The following ERICH5 variants were observed in gnomAD, a reference collection of about 807,000 sequenced individuals.
ERICH5 encodes the protein glutamate-rich protein 5.
ERICH5 carries 24 observed loss-of-function variants against 28.0 expected under a neutral mutation model. That is an observed-to-expected ratio of 0.86 (90% CI 0.62 to 1.21). The LOEUF (loss-of-function observed/expected upper bound fraction) is 1.21. ERICH5 is among the 50% of genes most tolerant of loss of function. The pLI, the probability that ERICH5 is intolerant of heterozygous loss-of-function variation, is 0.00. For missense variants in ERICH5, 421 were observed against 441.2 expected (o/e 0.95, Z 0.41); for synonymous variants, 163 against 157.6 (o/e 1.03, Z -0.25).
At position 98,089,545 on chromosome 8, in the gene ERICH5, T is replaced by A. The variant is rs370646763; in HGVS notation, c.528T>A (p.Thr176=). 33 of 1,614,004 alleles carry A rather than the reference T, an allele frequency of 2.0e-5. No homozygotes were observed. Among genetic ancestry groups the A allele is most frequent in the Non-Finnish European group, 3.4e-6 (4 of 1,180,012 alleles). The change falls in exon 2 of 3, where the codon ACT becomes ACA. Residue 176 remains threonine, a synonymous_variant. Coordinates refer to ENST00000318528, the MANE Select transcript of ERICH5 (RefSeq NM_173549.3). ...EKDSLRAVEV[T]ENPQTAAEMK... is the part of the protein sequence containing the mutation. ...ACTCTCTCAGAGCAGTGGAGGTCACTGAGAATCCACAAACTGCTGCAGAGA... is the reference window on the plus strand; with the variant it reads ...ACTCTCTCAGAGCAGTGGAGGTCACAGAGAATCCACAAACTGCTGCAGAGA...
intron 1 of ERICH5, among the ~76,000 whole-genome samples, chr8:98,080,256 A>G (rs1271943076): frequency 1.3e-5 from 2 of 150,712 alleles, no homozygotes; most frequent in South Asian, 2.1e-4. Flanking sequence ...AACAATACCC[A>G]CATGTTATGG....
chr8:98,066,373 A>C (rs1399330117), intron 1 of ERICH5, among the ~76,000 whole-genome samples: 1 of 152,194 alleles, frequency 6.6e-6, no homozygotes, highest in African/African-American at 2.4e-5. Flanking sequence ...TCCTGGTTTA[A>C]CAAGCAGAGT....
At chr8:98,090,229 G>A (rs768419) in intron 2 of ERICH5, among the ~76,000 whole-genome samples, 200 bp downstream of exon 2, 6,439 of 152,208 alleles carry the variant, frequency 0.042, 205 homozygotes, top group Middle Eastern at 0.082. Context: ...AAACTTTTCC[G>A]AAACATCATC....
chr8:98,090,554 G>A (rs1815365872), intron 2 of ERICH5, among the ~76,000 whole-genome samples: 1 of 150,552 alleles, frequency 6.6e-6, no homozygotes, highest in Admixed American at 6.6e-5. Context: ...CTTGAGCCCA[G>A]CAGTTCATGA....
Position 98,089,840 on chromosome 8 carries a change from C to T in ERICH5, c.823C>T (p.Gln275Ter). Residue 275 changes from glutamine to a stop codon, truncating the protein, a stop_gained, in exon 2 of 3, where the codon CAG becomes TAG. Transcript: ENST00000318528. LOFTEE classifies it high-confidence loss of function. ...NVTPEVLDRS[Q>*]LVEKPVMNDP... ...AACACCAGAAGTATTGGACAGAAGT[C>T]AGCTTGTGGAAAAGCCTGTTATGAA... The T allele has an allele frequency of 6.2e-7, 1 of 1,614,160 alleles. No individual in the cohort carries two copies. The highest frequency in any genetic ancestry group is 1.1e-5 in the South Asian group (1 of 91,056).
At chr8:98,081,792 G>A (rs944579910) in intron 1 of ERICH5, among the ~76,000 whole-genome samples, 2 of 152,144 alleles carry the variant, frequency 1.3e-5, no homozygotes, top group African/African-American at 4.8e-5. Flanking sequence ...GCCAGGCATG[G>A]TGGTGCATGC....
At chr8:98,091,920 CCT>C (rs1815409176) in intron 2 of ERICH5, among the ~76,000 whole-genome samples, 1 of 26,768 alleles carries the variant, frequency 3.7e-5, no homozygotes, top group African/African-American at 1.2e-4. Flanking sequence ...TTTCTTTCTT[CCT>C]TTCTTTCTTT....
chr8:98,066,025 A>C (rs1440975747), intron 1 of ERICH5, among the ~76,000 whole-genome samples: 1 of 152,218 alleles, frequency 6.6e-6, no homozygotes, highest in East Asian at 1.9e-4. Context: ...AGTAAACAAA[A>C]AATTAAAAGC....
chr8:98,070,775 A>G (rs1261716213), intron 1 of ERICH5, among the ~76,000 whole-genome samples: 1 of 151,914 alleles, frequency 6.6e-6, no homozygotes, highest in Non-Finnish European at 1.5e-5. Flanking sequence ...GGTGATTGAC[A>G]GAGACGGGGA....
At chr8:98,082,987 A>G (rs1815209332) in intron 1 of ERICH5, among the ~76,000 whole-genome samples, 1 of 152,266 alleles carries the variant, frequency 6.6e-6, no homozygotes, top group Non-Finnish European at 1.5e-5. Context: ...CTGTGGAGAA[A>G]TCAATTTTCT....
chr8:98,073,512 ATATG>A (rs1814984374), intron 1 of ERICH5, among the ~76,000 whole-genome samples: 1 of 6,306 alleles, frequency 1.6e-4, no homozygotes, highest in African/African-American at 6.3e-4. Context: ...ATATATATAT[ATATG>A]TATATATATA....
At position 98,079,087 on chromosome 8, in the gene ERICH5, A is replaced by G. The variant is rs1455566184; in HGVS notation, c.59-9989A>G. Among the ~76,000 whole-genome samples the G allele has an allele frequency of 2.0e-5, 3 of 151,992 alleles. No individual in the cohort carries two copies. In the East Asian group the frequency reaches 5.8e-4, roughly 29 times the overall value. On this transcript the variant is annotated intron_variant, in intron 1 of 2. Transcript: ENST00000318528. ...GTAGCCACCAAGTTGTGCTTAATGA[A>G]GGGAGTAGCTATTTGAATTTCCCCG...
chr8:98,069,378 AG>A (rs907117130), intron 1 of ERICH5, among the ~76,000 whole-genome samples: 7 of 2,750 alleles, frequency 2.5e-3, no homozygotes, highest in African/African-American at 0.013. Flanking sequence ...TTATTATTTT[AG>A]GGTTTTTTTT....
At chr8:98,088,475 A>G (rs763256534) in intron 1 of ERICH5, among the ~76,000 whole-genome samples, 7 of 152,100 alleles carry the variant, frequency 4.6e-5, no homozygotes, top group Non-Finnish European at 8.8e-5. Context: ...GTGCCCCCCA[A>G]ATGACATGAA....
intron 2 of ERICH5, 89 bp from the exon 3 acceptor site, chr8:98,093,132 G>T: frequency 1.2e-6 from 1 of 850,150 alleles, no homozygotes; most frequent in South Asian, 1.7e-5. Context: ...TGAAGATCAA[G>T]AACTGCCCCC....
Position 98,093,207 on chromosome 8 carries a change from G to A in ERICH5, c.1013-14G>A. On this transcript the variant is annotated splice_polypyrimidine_tract_variant and intron_variant, in intron 2 of 2. Coordinates refer to ENST00000318528, the MANE Select transcript of ERICH5 (RefSeq NM_173549.3). The stretch of plus-strand genomic sequence containing the variant: ...ATAAATGTCTCTTAGTATCTCCTTT[G>A]GTTACTTTTCCAGGTGAGACAGGGG... The A allele has an allele frequency of 6.4e-7, 1 of 1,563,466 alleles. No homozygotes were observed. The highest frequency in any genetic ancestry group is 1.4e-5 in the African/African-American group (1 of 73,798).
At chr8:98,075,754 A>G (rs1035734743) in intron 1 of ERICH5, among the ~76,000 whole-genome samples, 1 of 140,324 alleles carries the variant, frequency 7.1e-6, no homozygotes, top group African/African-American at 2.6e-5. Flanking sequence ...CACAGTTGCT[A>G]ACTGCTAACT....
At chr8:98,084,069 T>G (rs1321691715) in intron 1 of ERICH5, among the ~76,000 whole-genome samples, 2 of 123,098 alleles carry the variant, frequency 1.6e-5, no homozygotes, top group Non-Finnish European at 3.7e-5. Flanking sequence ...TTTTTTTTTT[T>G]GTAGACATCA....
At chr8:98,091,992 C>CT (rs1342260977) in intron 2 of ERICH5, among the ~76,000 whole-genome samples, 49 of 3,896 alleles carry the variant, frequency 0.013, 4 homozygotes, top group Middle Eastern at 0.071. Flanking sequence ...CTCTCTCTCT[C>CT]CCCTTCCTTC....
Sources: gnomAD v4.1 joint callset for allele counts (sites outside exome capture counted in the v4.1 genomes callset) on GRCh38, gnomAD v4.1.1 for gene constraint, MANE v1.5 for transcripts, NCBI Gene and HGNC (gene_info 2026-07-23, HGNC 2026-07-21) for gene names.